CCDC88A: variants seen among roughly 807,000 people sequenced by gnomAD.
CCDC88A encodes coiled-coil and HOOK domain protein 88A.
In CCDC88A, 54 loss-of-function variants were observed where a neutral mutation model predicts 234.3. The ratio of observed to expected loss-of-function variants is 0.23; its 90% CI spans 0.19 to 0.29. CCDC88A has a LOEUF of 0.29. Among genes scored for constraint, CCDC88A ranks in the 10% least tolerant of loss-of-function variants. The pLI is 1.00. For missense variants in CCDC88A, 1,832 were observed against 2,123.4 expected (o/e 0.86, Z 2.70); for synonymous variants, 753 against 737.8 (o/e 1.02, Z -0.33).
Position 55,305,605 on chromosome 2 carries a change from G to A in CCDC88A, c.4388-2453C>T, listed in dbSNP as rs148346349. On this transcript the variant is annotated intron_variant, in intron 25 of 32. Transcript: ENST00000436346. ...TTCATGCCTGTAATCCCAGCACTTT[G>A]GGAGACCAAGGCAGGAGAATAGCTT... Among the ~76,000 whole-genome samples, 43 of 152,262 alleles carry A rather than the reference G, an allele frequency of 2.8e-4. No individual in the cohort carries two copies. The East Asian group carries it at 8.3e-3, about 29-fold the overall frequency.
chr2:55,294,105 A>G (rs1414258211), intron 31 of CCDC88A: 2 of 294,804 alleles, frequency 6.8e-6, no homozygotes, highest in Non-Finnish European at 5.0e-6. Flanking sequence ...TAGAAGTAAC[A>G]ATTTTTACCA....
rs1207185953 is a variant in CCDC88A at position 55,288,648 on chromosome 2, G to A, written c.*2552C>T. ...TTGGTAACCACCAATTTAAAAATTT[G>A]GATGAAAGCATTTCCACATGGACAG... On this transcript the variant is annotated 3_prime_UTR_variant, in exon 33 of 33. Transcript: ENST00000436346. The A allele has an allele frequency of 6.6e-6, 1 of 152,580 alleles. No homozygotes were observed. The highest frequency in any genetic ancestry group is 2.1e-4 in the South Asian group (1 of 4,830). 9.5% of individuals were successfully genotyped at this position (152,580 alleles called of 1,614,324 possible). A position where few individuals can be genotyped will look rare whatever the true frequency, so the allele number is the denominator to read the frequency against.
intron 29 of CCDC88A, among the ~76,000 whole-genome samples, chr2:55,298,937 C>T (rs1346275499): frequency 6.6e-6 from 1 of 151,124 alleles, no homozygotes; most frequent in Non-Finnish European, 1.5e-5. Flanking sequence ...AGGTGGCTCA[C>T]ACCTGTAATC....
intron 2 of CCDC88A, chr2:55,405,788 A>C (rs924161129): frequency 6.6e-6 from 1 of 152,256 alleles, no homozygotes. Flanking sequence ...GTCCGTGGAA[A>C]AAACTGTCCT....
At position 55,388,835 on chromosome 2, in the gene CCDC88A, G is replaced by A. The variant is rs1676129295; in HGVS notation, c.216C>T (p.Ala72=). ...QRVNKKVNND[A]SLRMHNLSIL... is the part of the protein sequence containing the mutation. ...TGGATAGATTGTGCATTCTAAGTGA[G>A]GCATCATTATTGACTTTTTTATTTA... Residue 72 remains alanine (A), a synonymous_variant, in exon 3 of 33, where the codon GCC becomes GCT. Transcript: ENST00000436346. 6 of 1,541,786 alleles carry A rather than the reference G, an allele frequency of 3.9e-6. No individual in the cohort carries two copies. Among genetic ancestry groups the A allele is most frequent in the East Asian group, 2.4e-5 (1 of 42,080 alleles).
chr2:55,409,092 T>G (rs1365100127), intron 2 of CCDC88A, among the ~76,000 whole-genome samples: 1 of 152,242 alleles, frequency 6.6e-6, no homozygotes, highest in Non-Finnish European at 1.5e-5. Context: ...ACTACAAATG[T>G]GTGGTTTCCA....
rs780261850 is a variant in CCDC88A at position 55,334,406 on chromosome 2, T to C, written c.2415A>G (p.Ile805Met). The change falls in exon 15 of 33, where the codon ATA becomes ATG. Residue 805 changes from isoleucine to methionine, a missense_variant. By Grantham distance (10) the Ile-to-Met change is conservative. This residue lies in a region of CCDC88A where 1,282 missense variants were observed against 1,543.6 expected (regional missense o/e 0.83). Coordinates refer to ENST00000436346, the MANE Select transcript of CCDC88A (RefSeq NM_001365480.1). The surrounding 1 kb of genome is among the most constrained non-coding windows in gnomAD (Gnocchi z 6.1). ...CCAGCTGTTCTAGTCTTTTGCTAGA[T>C]ATTTTTAGTTCTTCTAGGTTTTTCT... The part of the protein sequence containing the change: ...TLQKNLEELK[I>M]SSKRLEQLEK... 6 of 1,581,010 alleles carry C rather than the reference T, an allele frequency of 3.8e-6. No individual in the cohort carries two copies. The Admixed American group carries it at 1.2e-4, about 31-fold the overall frequency.
intron 2 of CCDC88A, among the ~76,000 whole-genome samples, chr2:55,411,624 C>T (rs2104986726): frequency 6.6e-6 from 1 of 151,476 alleles, no homozygotes; most frequent in African/African-American, 2.4e-5. Flanking sequence ...ACTAAAAACA[C>T]AAAACTTCAC....
rs1157691622 is a variant in CCDC88A, at chr2:55,335,123, T to A, written c.1698A>T (p.Thr566=). Residue 566 remains threonine (T), a synonymous_variant, in exon 15 of 33, where the codon ACA becomes ACT. Transcript: ENST00000436346. The surrounding 1 kb of genome is among the most constrained non-coding windows in gnomAD (Gnocchi z 4.5). ...GGGACCGCTGCCTTAAGGAAGACAC[T>A]GTTTGATTCAGATGTTCATTTTCCT... ...LEQENEHLNQ[T]VSSLRQRSQI... 7.0e-6 allele frequency: 11 copies of A among 1,565,460 alleles called. No individual in the cohort carries two copies. The highest frequency in any genetic ancestry group is 8.6e-6 in the Non-Finnish European group (10 of 1,161,730).
At chr2:55,341,136 C>CT (rs1558701104) in intron 12 of CCDC88A, among the ~76,000 whole-genome samples, 3 of 107,910 alleles carry the variant, frequency 2.8e-5, no homozygotes, top group East Asian at 3.4e-4. Flanking sequence ...GACAGAATTT[C>CT]TTTCTTTTTT....
chr2:55,348,899 G>A (rs1421424321), intron 9 of CCDC88A: 2 of 152,182 alleles, frequency 1.3e-5, no homozygotes, highest in Non-Finnish European at 2.9e-5. Flanking sequence ...AGTCAGGTAT[G>A]GGGAAGTTAA....
At chr2:55,293,567 A>G (rs1679685615) in intron 31 of CCDC88A, 1 of 151,800 alleles carries the variant, frequency 6.6e-6, no homozygotes, top group East Asian at 1.9e-4. Flanking sequence ...ATTAGGAAAT[A>G]TTCTCTACAG....
intron 8 of CCDC88A, chr2:55,349,820 T>C: frequency 2.3e-6 from 1 of 432,938 alleles, no homozygotes; most frequent in South Asian, 4.6e-5. Flanking sequence ...AAGGCTAATG[T>C]TCTCATAGTA....
rs1402662593 is a variant in CCDC88A at position 55,388,818 on chromosome 2, T to C, written c.233A>G (p.Asn78Ser). The stretch of plus-strand genomic sequence containing the variant: ...TATCTGTCTCACCAAAATGGATAGA[T>C]TGTGCATTCTAAGTGAGGCATCATT... ...VNNDASLRMH[N>S]LSILVRQIKF... Residue 78 changes from asparagine (N) to serine (S), a missense_variant, in exon 3 of 33, where the codon AAT becomes AGT. Asn to Ser is a conservative substitution (Grantham distance 46, BLOSUM62 1). This residue lies in a region of CCDC88A where 84 missense variants were observed against 80.9 expected (regional missense o/e 1.04). Transcript: ENST00000436346. 6.5e-7 allele frequency: 1 copy of C among 1,538,304 alleles called. No homozygotes were observed. The highest frequency in any genetic ancestry group is 8.9e-7 in the Non-Finnish European group (1 of 1,126,504).
At chr2:55,294,447 T>C in intron 31 of CCDC88A, 1 of 862,224 alleles carries the variant, frequency 1.2e-6, no homozygotes, top group Non-Finnish European at 1.4e-6. Flanking sequence ...AAATGTTTTA[T>C]AAATATGGGT....
At chr2:55,410,298 C>A (rs1420818194) in intron 2 of CCDC88A, among the ~76,000 whole-genome samples, 1 of 152,072 alleles carries the variant, frequency 6.6e-6, no homozygotes, top group East Asian at 1.9e-4. Flanking sequence ...CTAGAAAGAG[C>A]CAGAGATGAC....
At chr2:55,388,602 C>T (rs1676098807) in intron 3 of CCDC88A, 176 bp downstream of exon 3, 4 of 372,804 alleles carry the variant, frequency 1.1e-5, no homozygotes, top group South Asian at 1.3e-4. Flanking sequence ...TAAATGCTTG[C>T]TTAAGCCTTT....
At chr2:55,296,699 G>T (rs1218442658) in intron 29 of CCDC88A, 176 bp from the exon 30 acceptor site, 5 of 629,020 alleles carry the variant, frequency 7.9e-6, no homozygotes, top group African/African-American at 1.8e-5. Flanking sequence ...ACAATTGTCT[G>T]CCATAGCCTG....
At chr2:55,313,413 T>C (rs1185460511) in intron 22 of CCDC88A, 1 of 152,226 alleles carries the variant, frequency 6.6e-6, no homozygotes, top group African/African-American at 2.4e-5. Flanking sequence ...TGTATAGTTT[T>C]TGTAGCTTGA....
Sources: allele counts gnomAD v4.1 joint callset (sites outside exome capture counted in the v4.1 genomes callset), GRCh38; gene constraint gnomAD v4.1.1; regional missense constraint gnomAD v4.1.1; non-coding constraint Gnocchi (gnomAD v3.1); transcripts MANE v1.5; gene names NCBI Gene and HGNC (gene_info 2026-07-23, HGNC 2026-07-21).